USP34: variants seen among roughly 807,000 people sequenced by gnomAD.
USP34 encodes the protein ubiquitin carboxyl-terminal hydrolase 34.
A neutral mutation model predicts 460.3 loss-of-function variants in USP34; 70 were observed. The ratio of observed to expected loss-of-function variants is 0.15; its 90% CI spans 0.13 to 0.19. The LOEUF (loss-of-function observed/expected upper bound fraction) is 0.19. USP34 is among the 10% of genes least tolerant of loss of function. The pLI, the probability that USP34 is intolerant of heterozygous loss-of-function variation, is 1.00. For missense variants in USP34, 3,985 were observed against 4,236.2 expected (o/e 0.94, Z 1.65); for synonymous variants, 1,647 against 1,405.3 (o/e 1.17, Z -3.85).
intron 5 of USP34, among the ~76,000 whole-genome samples, chr2:61,388,107 C>T (rs564105039): frequency 9.1e-4 from 139 of 152,018 alleles, no homozygotes; most frequent in Non-Finnish European, 6.0e-4. Context: ...ATCTGCTTAG[C>T]GGGGCATGGT....
chr2:61,388,349 G>A, intron 5 of USP34, among the ~76,000 whole-genome samples: 1 of 151,296 alleles, frequency 6.6e-6, no homozygotes, highest in East Asian at 1.9e-4. Context: ...AACTCTCACA[G>A]ACCTGACAGA....
At chr2:61,438,151 A>G (rs1323852209) in intron 1 of USP34, among the ~76,000 whole-genome samples, 5 of 152,218 alleles carry the variant, frequency 3.3e-5, no homozygotes, top group South Asian at 2.1e-4. Context: ...AAATGTAATA[A>G]CCATGATGAA....
chr2:61,197,819 G>C, intron 75 of USP34, among the ~76,000 whole-genome samples: 1 of 152,144 alleles, frequency 6.6e-6, no homozygotes, highest in East Asian at 1.9e-4. Flanking sequence ...GAGTGCAGTG[G>C]CTCCATCTCA....
intron 2 of USP34, among the ~76,000 whole-genome samples, chr2:61,418,952 C>T (rs1558583311): frequency 1.3e-5 from 2 of 152,226 alleles, no homozygotes; most frequent in East Asian, 3.9e-4. Flanking sequence ...TTTCATTTTC[C>T]AAAACAAATT....
intron 2 of USP34, among the ~76,000 whole-genome samples, chr2:61,419,986 A>T (rs1694310783): frequency 6.6e-6 from 1 of 152,224 alleles, no homozygotes; most frequent in Non-Finnish European, 1.5e-5. Context: ...GAGAGGAAAA[A>T]AGGATATTAC....
intron 37 of USP34, 98 bp downstream of exon 37, chr2:61,283,025 GATAATGTGATATATTTATGGAC>G (rs1481568831): frequency 2.0e-6 from 2 of 1,014,148 alleles, no homozygotes; most frequent in Non-Finnish European, 2.9e-6. Flanking sequence ...GGATTAAGCA[GATAATGTGATATATTTATGGAC>G]TCACGCATAT....
intron 1 of USP34, among the ~76,000 whole-genome samples, chr2:61,439,000 A>G (rs1694893086): frequency 6.6e-6 from 1 of 152,278 alleles, no homozygotes; most frequent in African/African-American, 2.4e-5. Flanking sequence ...TTTAAAAAAA[A>G]TCAGTGATGT....
intron 5 of USP34, among the ~76,000 whole-genome samples, chr2:61,388,761 AAGAAT>A (rs1269065967): frequency 2.2e-5 from 1 of 45,468 alleles, no homozygotes; most frequent in African/African-American, 1.4e-4. Flanking sequence ...ATCTCAGAAA[AAGAAT>A]ATATATATAT....
intron 1 of USP34, among the ~76,000 whole-genome samples, chr2:61,424,748 T>C (rs549995966): frequency 1.1e-4 from 16 of 152,288 alleles, no homozygotes; most frequent in African/African-American, 3.4e-4. Flanking sequence ...TTTTATGTTC[T>C]ATATTTTTTT....
At chr2:61,218,382 G>T (rs778246835) in intron 67 of USP34, among the ~76,000 whole-genome samples, 1 of 150,326 alleles carries the variant, frequency 6.7e-6, no homozygotes, top group Non-Finnish European at 1.5e-5. Flanking sequence ...TCACGCCACT[G>T]AAAGGTGCTT....
intron 20 of USP34, among the ~76,000 whole-genome samples, chr2:61,326,136 C>T (rs532303759): frequency 1.3e-5 from 2 of 151,784 alleles, no homozygotes; most frequent in African/African-American, 4.8e-5. Context: ...GGGAAGAGTG[C>T]TGGTGAGTGG....
At chr2:61,268,599 C>G (rs1452067694) in intron 41 of USP34, among the ~76,000 whole-genome samples, 2 of 151,904 alleles carry the variant, frequency 1.3e-5, no homozygotes, top group South Asian at 4.2e-4. Flanking sequence ...TCAGGTATTC[C>G]CTTATAACAC....
At chr2:61,278,562 G>A (rs1252989637) in intron 39 of USP34, 119 bp from the exon 40 acceptor site, 1 of 751,522 alleles carries the variant, frequency 1.3e-6, no homozygotes, top group Admixed American at 3.3e-5. Context: ...AATTCAATAA[G>A]TTATAAACGT....
intron 1 of USP34, among the ~76,000 whole-genome samples, chr2:61,446,056 G>A (rs1164664987): frequency 7.0e-6 from 1 of 143,742 alleles, no homozygotes; most frequent in Non-Finnish European, 1.5e-5. Flanking sequence ...AGAGATTACA[G>A]TGAGCCAGGA....
chr2:61,399,780 G>A (rs1015498270), intron 3 of USP34, among the ~76,000 whole-genome samples: 7 of 147,178 alleles, frequency 4.8e-5, no homozygotes, highest in South Asian at 4.4e-4. Context: ...CGCTGAGGCC[G>A]GTGAATCGCT....
chr2:61,372,500 C>G (rs889146965), intron 8 of USP34, among the ~76,000 whole-genome samples: 4 of 151,970 alleles, frequency 2.6e-5, no homozygotes, highest in African/African-American at 9.7e-5. Context: ...AGACTGAGGT[C>G]GAGGGGACTG....
At chr2:61,424,484 G>A (rs76234853) in intron 1 of USP34, among the ~76,000 whole-genome samples, 82 of 152,282 alleles carry the variant, frequency 5.4e-4, no homozygotes, top group African/African-American at 1.9e-3. Context: ...AAGGGTGGTT[G>A]CCCAGAAATG....
At chr2:61,372,750 G>A (rs1279972824) in intron 8 of USP34, among the ~76,000 whole-genome samples, 2 of 152,262 alleles carry the variant, frequency 1.3e-5, no homozygotes, top group East Asian at 3.9e-4. Flanking sequence ...TCGTAATAAT[G>A]ATGCAACTAT....
chr2:61,407,507 A>G (rs1693912274), intron 2 of USP34, among the ~76,000 whole-genome samples: 1 of 152,214 alleles, frequency 6.6e-6, no homozygotes, highest in African/African-American at 2.4e-5. Flanking sequence ...CAAAACAACT[A>G]TATTGTAGTC....
Sources: gnomAD v4.1 joint callset for allele counts (sites outside exome capture counted in the v4.1 genomes callset) on GRCh38, gnomAD v4.1.1 for gene constraint, MANE v1.5 for transcripts, NCBI Gene and HGNC (gene_info 2026-07-23, HGNC 2026-07-21) for gene names.